The following PASK variants were observed in gnomAD, a reference collection of about 807,000 sequenced individuals.
PASK encodes PAS domain containing serine/threonine kinase.
A neutral mutation model predicts 121.0 loss-of-function variants in PASK; 110 were observed. The observed-to-expected ratio is 0.91, with a 90% confidence interval of 0.78 to 1.06. The LOEUF is 1.06. Among genes scored for constraint, PASK ranks in the 50% least tolerant of loss-of-function variants. PASK has a pLI of 0.00. For synonymous variants in PASK, 686 were observed against 717.8 expected (o/e 0.96, Z 0.71); for missense variants, 1,643 against 1,702.3 (o/e 0.97, Z 0.61).
At chr2:241,131,399 C>T (rs575272214) in intron 9 of PASK, among the ~76,000 whole-genome samples, 7 of 152,344 alleles carry the variant, frequency 4.6e-5, no homozygotes, top group South Asian at 2.1e-4. Context: ...CCACCCACTT[C>T]AGCCTCCCAA....
intron 15 of PASK, among the ~76,000 whole-genome samples, chr2:241,111,496 G>C (rs2065110883): frequency 6.6e-6 from 1 of 152,202 alleles, no homozygotes; most frequent in Non-Finnish European, 1.5e-5. Context: ...CATACACATA[G>C]ACACATTTGG....
intron 12 of PASK, among the ~76,000 whole-genome samples, chr2:241,115,826 C>CAT (rs1437161892): frequency 2.4e-5 from 3 of 122,838 alleles, no homozygotes; most frequent in African/African-American, 3.8e-5. Flanking sequence ...CAGGGGCCAC[C>CAT]CAGTCCTCAA....
chr2:241,125,938 G>C (rs1200085231), intron 10 of PASK, among the ~76,000 whole-genome samples: 2 of 152,206 alleles, frequency 1.3e-5, no homozygotes, highest in African/African-American at 4.8e-5. Context: ...TGTATGGCCT[G>C]AGTCAGGGGG....
Position 241,135,920 on chromosome 2 carries a change from C to A in PASK, c.1257G>T (p.Glu419Asp), listed in dbSNP as rs746932602. The A allele has an allele frequency of 6.2e-7, 1 of 1,614,118 alleles. No homozygotes were observed. Among genetic ancestry groups the A allele is most frequent in the East Asian group, 2.2e-5 (1 of 44,894 alleles). ...GGCCCTGCCACGGGTCCAAGGTTCT[C>A]TCCCCACACCCACTCTCATTGCCGA... ...LDVGNESGCGERTLDPWQGQD... is the reference protein window; with the variant it reads ...LDVGNESGCGDRTLDPWQGQD... Residue 419 changes from glutamate (E) to aspartate (D), a missense_variant, in exon 8 of 18, where the codon GAG (glutamate) becomes GAT (aspartate). Physicochemically the swap from Glu to Asp is conservative, Grantham distance 45. Around this residue, in one of 3 missense-constraint regions of PASK, gnomAD observed 1,176 missense variants for 1,162.2 expected, o/e 1.01. Coordinates refer to ENST00000234040, the MANE Select transcript of PASK (RefSeq NM_015148.4).
rs1016145395 is a variant in PASK at position 241,113,900 on chromosome 2, C to T, written c.3333+1143G>A. On this transcript the variant is annotated intron_variant, in intron 14 of 17. Coordinates refer to ENST00000234040, the MANE Select transcript of PASK (RefSeq NM_015148.4). ...CATGATTCCTACATACATTGATGTG[C>T]GATCATATACTTTATAAAATTGTGC... 1.5e-5 allele frequency: 15 copies of T among 984,120 alleles called. No individual in the cohort carries two copies. In the African/African-American group the frequency reaches 1.9e-4, roughly 13 times the overall value. The allele number at this position is 984,120 out of a possible 1,614,324, so 61.0% of individuals were successfully genotyped here. A position where few individuals can be genotyped will look rare whatever the true frequency, so the allele number is the denominator to read the frequency against.
chr2:241,141,634 A>G (rs2066701771), intron 2 of PASK, among the ~76,000 whole-genome samples: 1 of 150,988 alleles, frequency 6.6e-6, no homozygotes, highest in Admixed American at 6.6e-5. Flanking sequence ...AGACTCTCAC[A>G]CTCGCACCTC....
intron 15 of PASK, among the ~76,000 whole-genome samples, chr2:241,110,708 G>A (rs2065074796): frequency 6.6e-6 from 1 of 152,194 alleles, no homozygotes; most frequent in Non-Finnish European, 1.5e-5. Flanking sequence ...AAGCCATGCA[G>A]CAGGCATCAT....
chr2:241,122,362 G>C (rs1211971078), intron 12 of PASK, among the ~76,000 whole-genome samples: 5 of 152,238 alleles, frequency 3.3e-5, no homozygotes, highest in East Asian at 1.9e-4. Context: ...TTTTCAGCAT[G>C]CATGTGCAGT....
In PASK at chr2:241,106,364, A is replaced by G; in HGVS notation, c.*202T>C. The G allele has an allele frequency of 4.7e-6, 3 of 641,938 alleles. No individual in the cohort carries two copies. Among genetic ancestry groups the G allele is most frequent in the Non-Finnish European group, 8.2e-6 (3 of 364,970 alleles). 39.8% of individuals were successfully genotyped at this position (641,938 alleles called of 1,614,324 possible). A position where few individuals can be genotyped will look rare whatever the true frequency, so the allele number is the denominator to read the frequency against. On this transcript the variant is annotated 3_prime_UTR_variant, in exon 18 of 18. Transcript: ENST00000234040. ...TGGAATGTTTTTTTCTAGGTCATGAAAAAAGTGAATTCCAAATCTATGTAA... is the reference window on the plus strand; with the variant it reads ...TGGAATGTTTTTTTCTAGGTCATGAGAAAAGTGAATTCCAAATCTATGTAA...
chr2:241,115,883 G>A (rs113568584), intron 12 of PASK, among the ~76,000 whole-genome samples: 3,479 of 80,568 alleles, frequency 0.043, 409 homozygotes, highest in African/African-American at 0.19. Context: ...ATCCCGTTAC[G>A]CCAGGGGCCA....
intron 15 of PASK, among the ~76,000 whole-genome samples, chr2:241,110,442 C>T (rs372869505): frequency 6.6e-6 from 1 of 152,156 alleles, no homozygotes; most frequent in African/African-American, 2.4e-5. Flanking sequence ...GGGGAGAGGA[C>T]GCAGGAGGGA....
intron 12 of PASK, among the ~76,000 whole-genome samples, chr2:241,117,833 C>CT (rs2065441119): frequency 6.6e-6 from 1 of 152,102 alleles, no homozygotes; most frequent in Non-Finnish European, 1.5e-5. Flanking sequence ...CATACAAGGA[C>CT]TGAATGTATA....
chr2:241,140,187 C>G (rs2066637246), intron 3 of PASK, 132 bp from the exon 4 acceptor site: 1 of 781,198 alleles, frequency 1.3e-6, no homozygotes, highest in Admixed American at 2.0e-5. Flanking sequence ...GTTGCCCAGG[C>G]TGGAGTGCAG....
At chr2:241,107,611 C>T (rs751409113) in intron 16 of PASK, 112 bp from the exon 17 acceptor site, 35 of 1,029,110 alleles carry the variant, frequency 3.4e-5, no homozygotes, top group Middle Eastern at 3.0e-4. Context: ...GGGCAGGTGG[C>T]GGCCCAGGAA....
chr2:241,150,219 C>T (rs1474043737), upstream of PASK: 1 of 1,279,998 alleles, frequency 7.8e-7, no homozygotes, highest in Non-Finnish European at 9.9e-7. Flanking sequence ...AGCTACGGCT[C>T]TGTGCGTCCC....
chr2:241,126,397 C>A lies in PASK; in HGVS notation c.2518G>T (p.Asp840Tyr). The A allele has an allele frequency of 1.2e-6, 2 of 1,614,236 alleles. No homozygotes were observed. The highest frequency in any genetic ancestry group is 2.2e-5 in the East Asian group (1 of 44,888). Reference sequence around the variant, plus strand: ...GGAACGTGTCCTGGGCTTTCTCTGTCGCTTGCTGCATAATGCTCAGAGGAC... The same window carrying A: ...GGAACGTGTCCTGGGCTTTCTCTGTAGCTTGCTGCATAATGCTCAGAGGAC... ...LVSSEHYAAS[D>Y]RESPGHVPST... The change falls in exon 10 of 18, where the codon GAC (aspartate) becomes TAC (tyrosine). Residue 840 changes from aspartate to tyrosine, a missense_variant. Asp to Tyr is a radical substitution (Grantham distance 160). This residue lies in a region of PASK where 1,176 missense variants were observed against 1,162.2 expected (regional missense o/e 1.01). Coordinates refer to ENST00000234040, the MANE Select transcript of PASK (RefSeq NM_015148.4).
intron 9 of PASK, 132 bp downstream of exon 9, chr2:241,132,742 G>C (rs2066223790): frequency 7.7e-6 from 6 of 778,820 alleles, no homozygotes; most frequent in South Asian, 2.9e-5. Flanking sequence ...AAGAGAGCAG[G>C]TGCTCAACAC....
intron 8 of PASK, chr2:241,133,591 G>A (rs1028066766): frequency 7.5e-5 from 15 of 200,930 alleles, no homozygotes; most frequent in Admixed American, 3.2e-4. Flanking sequence ...TCCAGTCCCC[G>A]TGAGCGCAGG....
chr2:241,143,173 A>C lies in PASK; in HGVS notation c.-42-99T>G. 4.1e-6 allele frequency: 3 copies of C among 723,034 alleles called. 1 individual carries two copies. In the Admixed American group the frequency reaches 6.1e-5, roughly 15 times the overall value. The allele number at this position is 723,034 out of a possible 1,614,324, so 44.8% of individuals were successfully genotyped here. A position where few individuals can be genotyped will look rare whatever the true frequency, so the allele number is the denominator to read the frequency against. ...ATGCTGAGTTCAGCTCGGCCCCAAA[A>C]GACATACACCACCAACCGCCATCCT... is the stretch of plus-strand genomic sequence containing the variant. On this transcript the variant is annotated intron_variant, in intron 1 of 17. Transcript: ENST00000234040.
Sources: gnomAD v4.1 joint callset for allele counts (sites outside exome capture counted in the v4.1 genomes callset) on GRCh38, gnomAD v4.1.1 for gene constraint, gnomAD v4.1.1 regional missense constraint, MANE v1.5 for transcripts, NCBI Gene and HGNC (gene_info 2026-07-23, HGNC 2026-07-21) for gene names.